Variants in ZNF217 observed in about 807,000 individuals in gnomAD.
The protein encoded by ZNF217 is zinc finger protein 217.
A neutral mutation model predicts 73.3 loss-of-function variants in ZNF217; 12 were observed. The ratio of observed to expected loss-of-function variants is 0.16; its 90% confidence interval spans 0.10 to 0.27. ZNF217 has a LOEUF of 0.27. Among genes scored for constraint, ZNF217 ranks in the 10% least tolerant of loss-of-function variants. The pLI is 1.00. For synonymous variants in ZNF217, 588 were observed against 516.4 expected (o/e 1.14, Z -1.88); for missense variants, 1,195 against 1,327.8 (o/e 0.90, Z 1.55).
chr20:53,583,038 C>A lies in ZNF217; in HGVS notation c.-212G>T, dbSNP rs1431840728. 3.9e-6 allele frequency: 2 copies of A among 516,536 alleles called. No homozygotes were observed. The highest frequency in any genetic ancestry group is 1.9e-5 in the African/African-American group (1 of 51,808). 32.0% of individuals were successfully genotyped at this position (516,536 alleles called of 1,614,324 possible). A position where few individuals can be genotyped will look rare whatever the true frequency, so the allele number is the denominator to read the frequency against. On this transcript the variant is annotated 5_prime_UTR_variant, in exon 2 of 6. Coordinates refer to ENST00000371471, the MANE Select transcript of ZNF217 (RefSeq NM_006526.3). ...TGGTTCTTTCCACAAACAAGGCATA[C>A]AGGGTTCCCAATGCCTCGATTCAAA... is the stretch of plus-strand genomic sequence containing the variant.
chr20:53,584,972 C>G (rs1361109514), intron 1 of ZNF217, among the ~76,000 whole-genome samples: 2 of 150,914 alleles, frequency 1.3e-5, no homozygotes, highest in Non-Finnish European at 2.9e-5. Flanking sequence ...GTCCTTCCTA[C>G]TTTTAGATGC....
intron 1 of ZNF217, among the ~76,000 whole-genome samples, chr20:53,591,341 G>A (rs979893976): frequency 2.0e-5 from 3 of 152,214 alleles, no homozygotes; most frequent in African/African-American, 7.2e-5. Context: ...GTCATATCTT[G>A]TCCTCTACTT....
intron 2 of ZNF217, among the ~76,000 whole-genome samples, chr20:53,579,822 C>G (rs1220570244): frequency 6.6e-6 from 1 of 152,164 alleles, no homozygotes; most frequent in African/African-American, 2.4e-5. Context: ...GAAATAGTAG[C>G]AAAGAAAGGT....
intron 1 of ZNF217, among the ~76,000 whole-genome samples, chr20:53,591,206 G>A (rs188097113): frequency 6.6e-6 from 1 of 152,110 alleles, no homozygotes; most frequent in Admixed American, 6.5e-5. Context: ...GCTAAACTTC[G>A]ATCTCACAAG....
chr20:53,584,565 G>C (rs972042387), intron 1 of ZNF217, among the ~76,000 whole-genome samples: 13 of 152,224 alleles, frequency 8.5e-5, no homozygotes, highest in African/African-American at 3.1e-4. Flanking sequence ...ATGGGCTGGT[G>C]ACCAGCTTGG....
At chr20:53,594,564 A>C (rs1243865499), upstream of ZNF217, among the ~76,000 whole-genome samples, 3 of 150,980 alleles carry the variant, frequency 2.0e-5, no homozygotes, top group Non-Finnish European at 3.0e-5. Flanking sequence ...CCCGCCCCGC[A>C]CCCCTCCTCC....
At position 53,582,051 on chromosome 20, in the gene ZNF217, G is replaced by T. The variant is rs768625913; in HGVS notation, c.776C>A (p.Pro259Gln). The T allele has an allele frequency of 6.2e-7, 1 of 1,614,222 alleles. No homozygotes were observed. The highest frequency in any genetic ancestry group is 1.1e-5 in the South Asian group (1 of 91,084). ...CTGCAGGAAGTCCTCCCTCGAGGAC[G>T]GCATTCCTCCTTGTGGAGAGTCTGT... ...AQTDSPQGGM[P>Q]SSREDFLQLF... Residue 259 changes from proline to glutamine, a missense_variant, in exon 2 of 6, where the codon CCG becomes CAG. Coordinates refer to ENST00000371471, the MANE Select transcript of ZNF217 (RefSeq NM_006526.3). The surrounding 1 kb of genome is among the most constrained non-coding windows in gnomAD (Gnocchi z 4.8).
In ZNF217 at chr20:53,582,562, G is replaced by A; in HGVS notation, c.265C>T (p.Arg89Trp). The change falls in exon 2 of 6, where the codon CGG (arginine) becomes TGG (tryptophan). Residue 89 changes from arginine (R) to tryptophan (W), a missense_variant. By Grantham distance (101) the Arg-to-Trp change is moderately radical (BLOSUM62 -3). Coordinates refer to ENST00000371471, the MANE Select transcript of ZNF217 (RefSeq NM_006526.3). The surrounding 1 kb of genome is among the most constrained non-coding windows in gnomAD (Gnocchi z 4.8). ...ACTGCTGGTTCACAGAGGGTAGGCC[G>A]GTGTTGCATTAAGACATGTTTATTA... The part of the protein sequence containing the change: ...DLNKHVLMQH[R>W]PTLCEPAVLR... The A allele has an allele frequency of 1.2e-6, 2 of 1,614,178 alleles. No individual in the cohort carries two copies. Among genetic ancestry groups the A allele is most frequent in the Non-Finnish European group, 1.7e-6 (2 of 1,180,024 alleles).
chr20:53,573,210 C>T (rs571312235), intron 4 of ZNF217, among the ~76,000 whole-genome samples: 1 of 151,562 alleles, frequency 6.6e-6, no homozygotes, highest in Admixed American at 6.6e-5. Context: ...GCAACCTCCA[C>T]CTCCCAAGGT....
intron 1 of ZNF217, among the ~76,000 whole-genome samples, chr20:53,588,933 A>G (rs1365986179): frequency 6.6e-6 from 1 of 152,232 alleles, no homozygotes; most frequent in Non-Finnish European, 1.5e-5. Context: ...TAAACTGAAG[A>G]AAAACTCTAT....
intron 1 of ZNF217, among the ~76,000 whole-genome samples, chr20:53,591,539 C>T (rs1988879640): frequency 6.6e-6 from 1 of 152,054 alleles, no homozygotes; most frequent in Non-Finnish European, 1.5e-5. Flanking sequence ...TAAATATAAC[C>T]GATTAAAAAT....
At position 53,568,517 on chromosome 20, in the gene ZNF217, T is replaced by C. The variant is rs935884705; in HGVS notation, c.*771A>G. The C allele has an allele frequency of 6.6e-6, 1 of 152,068 alleles. No individual in the cohort carries two copies. Among genetic ancestry groups the C allele is most frequent in the Non-Finnish European group, 1.5e-5 (1 of 68,016 alleles). The allele number at this position is 152,068 out of a possible 1,614,324, so 9.4% of individuals were successfully genotyped here. On this transcript the variant is annotated 3_prime_UTR_variant, in exon 6 of 6. Transcript: ENST00000371471. ...ACTCTCTTAAAAATCCTACAAGCCA[T>C]CCCAACGCCCTCAGTCAAGGATCCT...
intron 1 of ZNF217, among the ~76,000 whole-genome samples, chr20:53,590,072 TTTTA>T (rs1444561305): frequency 6.6e-6 from 1 of 152,214 alleles, no homozygotes; most frequent in Non-Finnish European, 1.5e-5. Context: ...CCTTTCAGGT[TTTTA>T]TTTTTTAACA....
rs1268921684 is a variant in ZNF217 at position 53,583,186 on chromosome 20, G to C, written c.-342-18C>G. 2 of 409,852 alleles carry C rather than the reference G, an allele frequency of 4.9e-6. No homozygotes were observed. The highest frequency in any genetic ancestry group is 8.6e-6 in the Non-Finnish European group (2 of 232,318). The allele number at this position is 409,852 out of a possible 1,614,324, so 25.4% of individuals were successfully genotyped here. A position where few individuals can be genotyped will look rare whatever the true frequency, so the allele number is the denominator to read the frequency against. On this transcript the variant is annotated intron_variant, in intron 1 of 5. Transcript: ENST00000371471. ...TCCAAACCCTAGAGGAAAAAAAACA[G>C]AAACGGTTAGCTACACTCAGAGCGA...
chr20:53,592,777 G>A (rs1600732874), intron 1 of ZNF217, among the ~76,000 whole-genome samples: 2 of 151,014 alleles, frequency 1.3e-5, no homozygotes, highest in African/African-American at 4.9e-5. Flanking sequence ...AGAGACAAGA[G>A]GGCTGTGCCT....
chr20:53,579,993 A>T (rs1413904727), intron 2 of ZNF217, among the ~76,000 whole-genome samples: 1 of 152,160 alleles, frequency 6.6e-6, no homozygotes, highest in African/African-American at 2.4e-5. Flanking sequence ...CATTTCTTTC[A>T]GGGAACTGGG....
Position 53,576,947 on chromosome 20 carries a change from G to T in ZNF217, c.1817C>A (p.Ala606Glu). The stretch of plus-strand genomic sequence containing the variant: ...CACTTTATCAGCACTGTCATCAGCT[G>T]CATTTTTATGGAAATCCTGAGTATC... ...HKDTQDFHKN[A>E]ADDSADKVNK... is the part of the protein sequence containing the mutation. Residue 606 changes from alanine (A) to glutamate (E), a missense_variant, in exon 4 of 6, where the codon GCA becomes GAA. Ala to Glu is a moderately radical substitution (Grantham distance 107, BLOSUM62 -1). Around this residue, in one of 9 missense-constraint regions of ZNF217, gnomAD observed 649 missense variants for 642.8 expected, o/e 1.01. Transcript: ENST00000371471. 1 of 1,614,198 alleles carries T rather than the reference G, an allele frequency of 6.2e-7. No individual in the cohort carries two copies. Among genetic ancestry groups the T allele is most frequent in the Admixed American group, 1.7e-5 (1 of 60,020 alleles).
At chr20:53,594,570 C>T (rs1388101717), upstream of ZNF217, among the ~76,000 whole-genome samples, 7 of 152,002 alleles carry the variant, frequency 4.6e-5, no homozygotes, top group African/African-American at 1.4e-4. Context: ...CCGCACCCCT[C>T]CTCCCGCCAT....
At chr20:53,589,844 G>A (rs1424002656) in intron 1 of ZNF217, among the ~76,000 whole-genome samples, 1 of 151,850 alleles carries the variant, frequency 6.6e-6, no homozygotes, top group African/African-American at 2.4e-5. Context: ...ATTTCCTGCC[G>A]TCTTTGTGTA....
Sources: gnomAD v4.1 joint callset for allele counts (sites outside exome capture counted in the v4.1 genomes callset) on GRCh38, gnomAD v4.1.1 for gene constraint, gnomAD v4.1.1 regional missense constraint, Gnocchi (gnomAD v3.1) non-coding constraint, MANE v1.5 for transcripts, NCBI Gene and HGNC (gene_info 2026-07-23, HGNC 2026-07-21) for gene names.